NBR1: variants seen among roughly 807,000 people sequenced by gnomAD.
NBR1 encodes NBR1 autophagy cargo receptor.
NBR1 carries 59 observed loss-of-function variants against 115.5 expected under a neutral mutation model. The ratio of observed to expected loss-of-function variants is 0.51; its 90% CI spans 0.41 to 0.63. The LOEUF is 0.63. Among genes scored for constraint, NBR1 ranks in the 30% least tolerant of loss-of-function variants. The probability of loss-of-function intolerance (pLI) is 0.00; values close to 1 mark genes in which losing one functional copy is unlikely to be tolerated. For missense variants in NBR1, 1,043 were observed against 1,150.5 expected (o/e 0.91, Z 1.35); for synonymous variants, 373 against 414.7 (o/e 0.90, Z 1.22).
chr17:43,191,931 A>G (rs1322380256), intron 10 of NBR1, among the ~76,000 whole-genome samples: 1 of 151,138 alleles, frequency 6.6e-6, no homozygotes, highest in Non-Finnish European at 1.5e-5. Context: ...CGTGTTAGCC[A>G]GGATGGTCTC....
Position 43,189,603 on chromosome 17 carries a change from G to A in NBR1, c.496G>A (p.Val166Ile). 1 of 1,613,850 alleles carries A rather than the reference G, an allele frequency of 6.2e-7. No individual in the cohort carries two copies. The highest frequency in any genetic ancestry group is 1.6e-4 in the Middle Eastern group (1 of 6,062). ...CATATTCTAGTTCAGAGAACAAGTG[G>A]TTAACGAAACGGTTGAGAAGCTTGA... ...SYLETFREQV[V>I]NETVEKLEQK... Residue 166 changes from valine (V) to isoleucine (I), a missense_variant, in exon 8 of 21, where the codon GTT becomes ATT. Physicochemically the swap from Val to Ile is conservative, Grantham distance 29. Transcript: ENST00000590996.
intron 3 of NBR1, among the ~76,000 whole-genome samples, chr17:43,178,419 T>C (rs537259588): frequency 6.8e-6 from 1 of 148,000 alleles, no homozygotes; most frequent in Non-Finnish European, 1.5e-5. Context: ...CTCCATAACC[T>C]AGGCTGGAGT....
intron 4 of NBR1, among the ~76,000 whole-genome samples, chr17:43,179,745 T>C (rs182466475): frequency 6.6e-6 from 1 of 152,354 alleles, no homozygotes; most frequent in East Asian, 1.9e-4. Context: ...TATCAACTTA[T>C]AAAACAAGTG....
chr17:43,180,638 T>C (rs1359728000), intron 4 of NBR1, 157 bp from the exon 5 acceptor site: 2 of 839,992 alleles, frequency 2.4e-6, no homozygotes, highest in East Asian at 4.3e-5. Context: ...CCTCATGTTG[T>C]ACAGTCCATC....
At chr17:43,203,843 A>G (rs191826437) in intron 20 of NBR1, 57 bp downstream of exon 20, 19 of 1,083,784 alleles carry the variant, frequency 1.8e-5, no homozygotes, top group Admixed American at 6.4e-5. Context: ...AGTGAAAGTG[A>G]TGGCATCTGT....
rs188796286 is a variant in NBR1 at position 43,179,271 on chromosome 17, T to G, written c.166-123T>G. The stretch of plus-strand genomic sequence containing the variant: ...TTAAGTGTTATTCATGACTAGCAAG[T>G]GATATGGAAAAGCTGAACGCTTGGC... On this transcript the variant is annotated intron_variant, in intron 3 of 20. Coordinates refer to ENST00000590996, the MANE Select transcript of NBR1 (RefSeq NM_005899.5). 81 of 776,786 alleles carry G rather than the reference T, an allele frequency of 1.0e-4. No homozygotes were observed. In the Admixed American group the frequency reaches 1.2e-3, roughly 11 times the overall value. 48.1% of individuals were successfully genotyped at this position (776,786 alleles called of 1,614,324 possible). A position where few individuals can be genotyped will look rare whatever the true frequency, so the allele number is the denominator to read the frequency against.
At chr17:43,189,529 C>A in intron 7 of NBR1, 59 bp from the exon 8 acceptor site, 2 of 1,226,980 alleles carry the variant, frequency 1.6e-6, no homozygotes, top group Non-Finnish European at 1.2e-6. Flanking sequence ...TTGATATCTT[C>A]ACATTTTTTT....
At chr17:43,205,319 A>C (rs1379650239) in intron 20 of NBR1, among the ~76,000 whole-genome samples, 1 of 152,100 alleles carries the variant, frequency 6.6e-6, no homozygotes, top group Admixed American at 6.5e-5. Flanking sequence ...GTGCTACTGC[A>C]CTCCAGCCTG....
rs71361507 is a variant in NBR1 at position 43,205,877 on chromosome 17, C to CAAAAA, written c.2727+2107_2727+2111dup. ...TGGGTGACAGAGTGAGACCATGTCTCAAAAAAAAAAAAAAAAAAAAGGCTG... is the reference window on the plus strand; with the variant it reads ...TGGGTGACAGAGTGAGACCATGTCTCAAAAAAAAAAAAAAAAAAAAAAAAAGGCTG... On this transcript the variant is annotated intron_variant, in intron 20 of 20. Transcript: ENST00000590996. Among the ~76,000 whole-genome samples, 116 of 58,472 alleles carry CAAAAA rather than the reference C, an allele frequency of 2.0e-3. 2 individuals are homozygous for CAAAAA. Among genetic ancestry groups the CAAAAA allele is most frequent in the East Asian group, 9.5e-3 (18 of 1,890 alleles). 38.4% of individuals were successfully genotyped at this position (58,472 alleles called of 152,430 possible). A position where few individuals can be genotyped will look rare whatever the true frequency, so the allele number is the denominator to read the frequency against.
At chr17:43,177,275 A>T (rs2056540732) in intron 2 of NBR1, among the ~76,000 whole-genome samples, 1 of 147,470 alleles carries the variant, frequency 6.8e-6, no homozygotes, top group Admixed American at 6.8e-5. Context: ...CCATCTCAAA[A>T]AAAAAAAAAA....
chr17:43,210,881 T>G lies in NBR1; in HGVS notation c.*807T>G. 2.5e-6 allele frequency: 1 copy of G among 396,654 alleles called. No homozygotes were observed. The highest frequency in any genetic ancestry group is 6.3e-4 in the Middle Eastern group (1 of 1,580). The allele number at this position is 396,654 out of a possible 1,614,324, so 24.6% of individuals were successfully genotyped here. A position where few individuals can be genotyped will look rare whatever the true frequency, so the allele number is the denominator to read the frequency against. Reference sequence around the variant, plus strand: ...CCGTTATTTAAAGGGAAAAGTAAATTTAACAGTTGCCTTTTTTCTTAATGT... The same window carrying G: ...CCGTTATTTAAAGGGAAAAGTAAATGTAACAGTTGCCTTTTTTCTTAATGT... On this transcript the variant is annotated 3_prime_UTR_variant, in exon 21 of 21. Coordinates refer to ENST00000590996, the MANE Select transcript of NBR1 (RefSeq NM_005899.5).
At position 43,184,372 on chromosome 17, in the gene NBR1, C is replaced by CTTTTTTTTT. The variant is rs71160024; in HGVS notation, c.208-1875_208-1867dup. ...CCTCTCATCGCCCCAAAATACTATT[C>CTTTTTTTTT]TTTTTTTTTTTGAGACAGAGTCTCA... On this transcript the variant is annotated intron_variant, in intron 5 of 20. Coordinates refer to ENST00000590996, the MANE Select transcript of NBR1 (RefSeq NM_005899.5). Among the ~76,000 whole-genome samples, 12 of 96,192 alleles carry CTTTTTTTTT rather than the reference C, an allele frequency of 1.2e-4. 4 individuals carry two copies. Among genetic ancestry groups the CTTTTTTTTT allele is most frequent in the Admixed American group, 3.0e-4 (2 of 6,620 alleles). The allele number at this position is 96,192 out of a possible 152,430, so 63.1% of individuals were successfully genotyped here.
intron 6 of NBR1, among the ~76,000 whole-genome samples, 182 bp downstream of exon 6, chr17:43,186,626 TATC>T (rs1379347392): frequency 1.3e-5 from 2 of 152,162 alleles, no homozygotes; most frequent in Non-Finnish European, 2.9e-5. Context: ...CCCATCAACC[TATC>T]ATCTACCTTA....
Position 43,186,455 on chromosome 17 carries a change from T to TCC in NBR1, c.402+11_402+12insCC. ...GATCCTGCAGTGCAGGTATGAAGGG[T>TCC]ATGGCCCAGTCTATCCAATATCGTT... On this transcript the variant is annotated intron_variant, in intron 6 of 20. Transcript: ENST00000590996. 2 of 1,527,792 alleles carry TCC rather than the reference T, an allele frequency of 1.3e-6. No individual in the cohort carries two copies. The highest frequency in any genetic ancestry group is 1.7e-6 in the Non-Finnish European group (2 of 1,144,118). 94.6% of individuals were successfully genotyped at this position (1,527,792 alleles called of 1,614,324 possible).
At chr17:43,177,833 T>G in intron 2 of NBR1, 103 bp from the exon 3 acceptor site, 1 of 1,043,082 alleles carries the variant, frequency 9.6e-7, no homozygotes, top group Non-Finnish European at 1.3e-6. Context: ...TTGTTATGGG[T>G]TATTAAGGTT....
At chr17:43,180,180 T>G (rs2056627680) in intron 4 of NBR1, among the ~76,000 whole-genome samples, 1 of 152,234 alleles carries the variant, frequency 6.6e-6, no homozygotes, top group South Asian at 2.1e-4. Context: ...CATCGCTTAA[T>G]GACAGAGATT....
chr17:43,172,707 T>C (rs2056405954), intron 1 of NBR1, among the ~76,000 whole-genome samples: 1 of 152,198 alleles, frequency 6.6e-6, no homozygotes, highest in African/African-American at 2.4e-5. Context: ...GGGGGATAAT[T>C]GTCTTAGGGT....
At position 43,203,490 on chromosome 17, in the gene NBR1, A is replaced by G. The variant is rs942769357; in HGVS notation, c.2622-191A>G. 5.3e-5 allele frequency among the ~76,000 whole-genome samples: 8 copies of G among 152,190 alleles called. No homozygotes were observed. In the South Asian group the frequency reaches 6.2e-4, roughly 12 times the overall value. The stretch of plus-strand genomic sequence containing the variant: ...GCAGTGCCCCTATCTTGCTTGCACC[A>G]GTAGAGCTGGGCCCTCCATCAAACC... On this transcript the variant is annotated intron_variant, in intron 19 of 20. Coordinates refer to ENST00000590996, the MANE Select transcript of NBR1 (RefSeq NM_005899.5).
intron 16 of NBR1, among the ~76,000 whole-genome samples, chr17:43,198,067 C>A (rs1245938019): frequency 6.6e-6 from 1 of 151,712 alleles, no homozygotes; most frequent in Non-Finnish European, 1.5e-5. Context: ...ACTTGGGAGG[C>A]TGAGGCAGGA....
Sources: allele counts gnomAD v4.1 joint callset (sites outside exome capture counted in the v4.1 genomes callset), GRCh38; gene constraint gnomAD v4.1.1; transcripts MANE v1.5; gene names NCBI Gene and HGNC (gene_info 2026-07-23, HGNC 2026-07-21).